The following FGFR3 variants were observed in gnomAD, a reference collection of about 807,000 sequenced individuals.
The protein encoded by FGFR3 is fibroblast growth factor receptor 3, also known as FGFR-3.
A neutral mutation model predicts 82.9 loss-of-function variants in FGFR3; 25 were observed. That is an observed-to-expected ratio of 0.30 (90% CI 0.22 to 0.42). The LOEUF is 0.42. FGFR3 is among the 10% of genes least tolerant of loss of function. The probability of loss-of-function intolerance (pLI) is 1.00; values close to 1 mark genes in which losing one functional copy is unlikely to be tolerated. For synonymous variants in FGFR3, 620 were observed against 516.0 expected, an observed-to-expected ratio of 1.20 and a Z score of -2.73; for missense variants, 1,026 against 1,161.0, an observed-to-expected ratio of 0.88 and a Z score of 1.69.
chr4:1,799,341 G>T lies in FGFR3; in HGVS notation c.197G>T (p.Gly66Val), dbSNP rs1054297419. ...GAGCTGAGCTGTCCCCCGCCCGGGGGTGGTCCCATGGGGCCCACTGTCTGG... is the reference window on the plus strand; with the variant it reads ...GAGCTGAGCTGTCCCCCGCCCGGGGTTGGTCCCATGGGGCCCACTGTCTGG... Reference protein sequence around the residue: ...AVELSCPPPGGGPMGPTVWVK... With the variant: ...AVELSCPPPGVGPMGPTVWVK... The change falls in exon 3 of 18, where the codon GGT becomes GTT. Residue 66 changes from glycine to valine, a missense_variant. Physicochemically the swap from Gly to Val is moderately radical, Grantham distance 109 (BLOSUM62 -3). Coordinates refer to ENST00000440486, the MANE Select transcript of FGFR3 (RefSeq NM_000142.5). 1 of 1,612,630 alleles carries T rather than the reference G, an allele frequency of 6.2e-7. No individual in the cohort carries two copies. The highest frequency in any genetic ancestry group is 8.5e-7 in the Non-Finnish European group (1 of 1,179,908).
rs1388294342 is a variant in FGFR3, at chr4:1,805,772, G to A, written c.1668G>A (p.Glu556=). The A allele has an allele frequency of 2.5e-6, 4 of 1,612,514 alleles. No homozygotes were observed. The highest frequency in any genetic ancestry group is 3.3e-5 in the Admixed American group (2 of 59,984). ...TQGGPLYVLV[E]YAAKGNLREF... is the part of the protein sequence containing the mutation. Reference sequence around the variant, plus strand: ...CAGGGCCCCTGTACGTGCTGGTGGAGTACGCGGCCAAGGGTAACCTGCGGG... The same window carrying A: ...CAGGGCCCCTGTACGTGCTGGTGGAATACGCGGCCAAGGGTAACCTGCGGG... Residue 556 remains glutamate, a synonymous_variant, in exon 13 of 18, where the codon GAG becomes GAA. Coordinates refer to ENST00000440486, the MANE Select transcript of FGFR3 (RefSeq NM_000142.5).
intron 2 of FGFR3, among the ~76,000 whole-genome samples, chr4:1,795,100 C>T (rs1188678225): frequency 6.6e-6 from 1 of 151,624 alleles, no homozygotes; most frequent in African/African-American, 2.4e-5. Flanking sequence ...CGGCTGCAGC[C>T]TCCCGGAACA....
intron 7 of FGFR3, 116 bp from the exon 8 acceptor site, chr4:1,803,576 A>C: frequency 6.0e-6 from 9 of 1,507,674 alleles, no homozygotes; most frequent in Non-Finnish European, 8.0e-6. Context: ...GCGGTGGCTG[A>C]GGAGTTGGTG....
intron 2 of FGFR3, among the ~76,000 whole-genome samples, chr4:1,796,022 C>T (rs1009963796): frequency 6.6e-6 from 1 of 152,192 alleles, no homozygotes; most frequent in Non-Finnish European, 1.5e-5. Context: ...TGTGGCACCC[C>T]TTGTTACAGC....
chr4:1,803,195 C>T (rs1436055503), intron 7 of FGFR3: 18 of 1,151,722 alleles, frequency 1.6e-5, no homozygotes, highest in Non-Finnish European at 1.6e-5. Flanking sequence ...GGGGCCGCCT[C>T]GGCAAGGCTG....
Position 1,804,871 on chromosome 4 carries a change from G to A in FGFR3, c.1314G>A (p.Val438=), listed in dbSNP as rs746797777. 4.2e-5 allele frequency: 65 copies of A among 1,550,034 alleles called. No individual in the cohort carries two copies. Among genetic ancestry groups the A allele is most frequent in the Non-Finnish European group, 5.3e-5 (61 of 1,146,952 alleles). ...CCATGAGCTCCAACACACCACTGGT[G>A]CGCATCGCAAGGCTGTCCTCAGGGG... ...NASMSSNTPL[V]RIARLSSGEG... The change falls in exon 10 of 18, where the codon GTG becomes GTA. Residue 438 remains valine (V), a synonymous_variant. Transcript: ENST00000440486.
At chr4:1,801,785 C>T (rs767691577) in intron 6 of FGFR3, 42 bp downstream of exon 6, 13 of 1,575,226 alleles carry the variant, frequency 8.3e-6, no homozygotes, top group African/African-American at 5.4e-5. Flanking sequence ...GCGGCAGTGG[C>T]GGTGGTGGTG....
chr4:1,808,462 C>T lies in FGFR3; in HGVS notation c.*1200C>T, dbSNP rs1384139199. 2.2e-5 allele frequency: 5 copies of T among 232,238 alleles called. No individual in the cohort carries two copies. The highest frequency in any genetic ancestry group is 3.4e-5 in the Non-Finnish European group (4 of 117,274). 14.4% of individuals were successfully genotyped at this position (232,238 alleles called of 1,614,324 possible). A position where few individuals can be genotyped will look rare whatever the true frequency, so the allele number is the denominator to read the frequency against. ...AAATTCTTCTAATTGCTGTGTGTCCCAGGCAGGGAGACGGTTTCCAGGGAG... is the reference window on the plus strand; with the variant it reads ...AAATTCTTCTAATTGCTGTGTGTCCTAGGCAGGGAGACGGTTTCCAGGGAG... On this transcript the variant is annotated 3_prime_UTR_variant, in exon 18 of 18. Transcript: ENST00000440486.
intron 9 of FGFR3, 121 bp downstream of exon 9, chr4:1,804,641 C>G: frequency 6.9e-7 from 1 of 1,455,850 alleles, no homozygotes; most frequent in Non-Finnish European, 9.5e-7. Context: ...GGGCTCCCCT[C>G]TCCTCGTCTC....
Position 1,806,237 on chromosome 4 carries a change from G to T in FGFR3, c.1960-20G>T, listed in dbSNP as rs375201331. 11 of 1,612,902 alleles carry T rather than the reference G, an allele frequency of 6.8e-6. No homozygotes were observed. Among genetic ancestry groups the T allele is most frequent in the South Asian group, 1.1e-5 (1 of 91,078 alleles). ...CAGTAGGACGCCTGGCGCCAACACC[G>T]CCTTCCCACACCCTCCCAGGGCCGG... On this transcript the variant is annotated intron_variant, in intron 14 of 17. Coordinates refer to ENST00000440486, the MANE Select transcript of FGFR3 (RefSeq NM_000142.5).
rs4647926 is a variant in FGFR3, at chr4:1,804,285, TG to T, written c.1076-34del. ...GCCAGGGGCATCCATGGGAGCCCCG[TG>T]GGGGGGGGGGCCAGGCCAGGCCTCA... On this transcript the variant is annotated intron_variant, in intron 8 of 17. Transcript: ENST00000440486. 0.19 allele frequency: 211,287 copies of T among 1,084,292 alleles called. 4,473 individuals are homozygous for T. The highest frequency in any genetic ancestry group is 0.28 in the South Asian group (16,413 of 59,048). The allele number at this position is 1,084,292 out of a possible 1,614,324, so 67.2% of individuals were successfully genotyped here.
intron 2 of FGFR3, among the ~76,000 whole-genome samples, chr4:1,795,872 T>TTGAG (rs1720450247): frequency 6.6e-6 from 1 of 152,178 alleles, no homozygotes; most frequent in Non-Finnish European, 1.5e-5. Context: ...GGGCTGGACT[T>TTGAG]TGAGCCGCGT....
chr4:1,800,559 G>A (rs1721062372), intron 4 of FGFR3, among the ~76,000 whole-genome samples: 1 of 152,102 alleles, frequency 6.6e-6, no homozygotes, highest in Non-Finnish European at 1.5e-5. Flanking sequence ...TCACCCTGGG[G>A]GTCTCCAGGA....
At chr4:1,803,170 G>T in intron 7 of FGFR3, 1 of 1,289,780 alleles carries the variant, frequency 7.8e-7, no homozygotes, top group Non-Finnish European at 1.0e-6. Context: ...TCCCGCCCCG[G>T]CTCGCGCTCC....
Position 1,806,285 on chromosome 4 carries a change from C to T in FGFR3, c.1988C>T (p.Pro663Leu), listed in dbSNP as rs1195256125. The T allele has an allele frequency of 2.6e-6, 4 of 1,534,666 alleles. No individual in the cohort carries two copies. Among genetic ancestry groups the T allele is most frequent in the Non-Finnish European group, 3.5e-6 (4 of 1,137,854 alleles). Residue 663 changes from proline to leucine, a missense_variant, in exon 15 of 18, where the codon CCT becomes CTT. Pro to Leu is a moderately conservative substitution (Grantham distance 98). Around this residue, in one of 9 missense-constraint regions of FGFR3, gnomAD observed 45 missense variants for 80.8 expected, o/e 0.56. Coordinates refer to ENST00000440486, the MANE Select transcript of FGFR3 (RefSeq NM_000142.5). Reference protein sequence around the residue: ...NGRLPVKWMAPEALFDRVYTH... With the variant: ...NGRLPVKWMALEALFDRVYTH... Reference sequence around the variant, plus strand: ...CGGCTGCCCGTGAAGTGGATGGCGCCTGAGGCCTTGTTTGACCGAGTCTAC... The same window carrying T: ...CGGCTGCCCGTGAAGTGGATGGCGCTTGAGGCCTTGTTTGACCGAGTCTAC...
chr4:1,799,237 G>C lies in FGFR3; in HGVS notation c.110-17G>C, dbSNP rs1005923145. On this transcript the variant is annotated splice_polypyrimidine_tract_variant and intron_variant, in intron 2 of 17. Coordinates refer to ENST00000440486, the MANE Select transcript of FGFR3 (RefSeq NM_000142.5). ...GTTTGGGGGTGCCTGCCTCATGGTT[G>C]CCCATCTTCCCCACAGAAGTCCCGG... The C allele has an allele frequency of 6.2e-7, 1 of 1,611,848 alleles. No homozygotes were observed. The highest frequency in any genetic ancestry group is 1.3e-5 in the African/African-American group (1 of 74,918).
chr4:1,803,074 C>G, intron 7 of FGFR3: 2 of 1,562,882 alleles, frequency 1.3e-6, no homozygotes. Flanking sequence ...GGTAACGACT[C>G]TGTCCCATGC....
At chr4:1,794,129 G>A (rs1720176731) in intron 2 of FGFR3, 86 bp downstream of exon 2, 4 of 726,290 alleles carry the variant, frequency 5.5e-6, no homozygotes, top group East Asian at 3.7e-5. Flanking sequence ...GGTCGGAGGG[G>A]CCGCCGGGTG....
chr4:1,806,122 C>T lies in FGFR3; in HGVS notation c.1908C>T (p.Phe636=), dbSNP rs104886005. The T allele has an allele frequency of 8.7e-6, 14 of 1,613,442 alleles. No individual in the cohort carries two copies. Among genetic ancestry groups the T allele is most frequent in the South Asian group, 2.2e-5 (2 of 91,068 alleles). ...TEDNVMKIAD[F]GLARDVHNLD... Reference sequence around the variant, plus strand: ...ACAACGTGATGAAGATCGCAGACTTCGGGCTGGCCCGGGACGTGCACAACC... The same window carrying T: ...ACAACGTGATGAAGATCGCAGACTTTGGGCTGGCCCGGGACGTGCACAACC... Residue 636 remains phenylalanine, a synonymous_variant, in exon 14 of 18, where the codon TTC becomes TTT. Coordinates refer to ENST00000440486, the MANE Select transcript of FGFR3 (RefSeq NM_000142.5).
Sources: allele counts gnomAD v4.1 joint callset (sites outside exome capture counted in the v4.1 genomes callset), GRCh38; gene constraint gnomAD v4.1.1; regional missense constraint gnomAD v4.1.1; transcripts MANE v1.5; gene names NCBI Gene and HGNC (gene_info 2026-07-23, HGNC 2026-07-21).